The following ZDHHC15 variants were observed in gnomAD, a reference collection of about 807,000 sequenced individuals.
ZDHHC15 encodes palmitoyltransferase ZDHHC15.
ZDHHC15 carries 19 observed loss-of-function variants against 31.7 expected under a neutral mutation model. The observed-to-expected ratio is 0.60, with a 90% CI of 0.42 to 0.88. The LOEUF is 0.88. Among genes scored for constraint, ZDHHC15 ranks in the 40% least tolerant of loss-of-function variants. The pLI is 0.00. For synonymous variants in ZDHHC15, 103 were observed against 90.0 expected, an observed-to-expected ratio of 1.14 and a Z score of -0.82; for missense variants, 209 against 251.2, an observed-to-expected ratio of 0.83 and a Z score of 1.14.
intron 2 of ZDHHC15, among the ~76,000 whole-genome samples, chrX:75,500,915 T>C (rs1300156693): frequency 9.1e-6 from 1 of 110,292 alleles, no homozygotes; most frequent in Non-Finnish European, 1.9e-5. Flanking sequence ...TACCAATAAA[T>C]TAAGGTTAGT....
chrX:75,406,410 A>T (rs1405508224), intron 10 of ZDHHC15, among the ~76,000 whole-genome samples: 1 of 111,443 alleles, frequency 9.0e-6, no homozygotes, highest in South Asian at 3.7e-4. Flanking sequence ...TGAAACAAAA[A>T]GTTGGATTTT....
At chrX:75,410,512 A>C (rs2083473127) in intron 10 of ZDHHC15, among the ~76,000 whole-genome samples, 1 of 112,343 alleles carries the variant, frequency 8.9e-6, no homozygotes, top group Non-Finnish European at 1.9e-5. Flanking sequence ...GCTCAACATC[A>C]CCAATCTTCA....
chrX:75,517,566 A>C (rs1331151536), intron 1 of ZDHHC15, among the ~76,000 whole-genome samples: 2 of 77,858 alleles, frequency 2.6e-5, no homozygotes, highest in Non-Finnish European at 4.6e-5. Flanking sequence ...GGTGGGGAAC[A>C]TCACACACGG....
intron 2 of ZDHHC15, among the ~76,000 whole-genome samples, chrX:75,492,355 A>C (rs2084912335): frequency 9.0e-6 from 1 of 111,075 alleles, no homozygotes; most frequent in African/African-American, 3.3e-5. Context: ...CCCCACTGTC[A>C]ATATTAGACA....
intron 4 of ZDHHC15, among the ~76,000 whole-genome samples, chrX:75,448,379 C>T (rs374013658): frequency 8.9e-6 from 1 of 111,883 alleles, no homozygotes; most frequent in East Asian, 2.8e-4. Context: ...GACCATGTGA[C>T]CAGTTACAGA....
intron 5 of ZDHHC15, 146 bp downstream of exon 5, chrX:75,431,305 G>A (rs1436495615): frequency 1.6e-5 from 7 of 439,742 alleles, no homozygotes; most frequent in South Asian, 1.3e-4. Context: ...ATCATCATCC[G>A]TGTGAGGGGT....
chrX:75,394,613 A>G (rs757774751), intron 10 of ZDHHC15, among the ~76,000 whole-genome samples: 1 of 112,233 alleles, frequency 8.9e-6, no homozygotes, highest in Non-Finnish European at 1.9e-5. Context: ...CAAAAACTAT[A>G]AGAAGACACA....
chrX:75,474,141 AT>A (rs1260215054), intron 3 of ZDHHC15, among the ~76,000 whole-genome samples: 1 of 110,542 alleles, frequency 9.0e-6, no homozygotes, highest in Non-Finnish European at 1.9e-5. Flanking sequence ...GCCATAGGAG[AT>A]TAAGATTTGA....
At chrX:75,507,933 T>A (rs1252954535) in intron 1 of ZDHHC15, among the ~76,000 whole-genome samples, 1 of 110,822 alleles carries the variant, frequency 9.0e-6, no homozygotes, top group Non-Finnish European at 1.9e-5. Context: ...AGTATACAAG[T>A]AGAAAAAGCC....
In ZDHHC15 at chrX:75,372,652, T is replaced by C. The variant is rs2083015396; in HGVS notation, c.*326A>G. 1 of 111,710 alleles carries C rather than the reference T, an allele frequency of 9.0e-6. No individual in the cohort carries two copies. The highest frequency in any genetic ancestry group is 9.6e-5 in the Admixed American group (1 of 10,450). The allele number at this position is 111,710 out of a possible 1,213,427, so 9.2% of individuals were successfully genotyped here. A position where few individuals can be genotyped will look rare whatever the true frequency, so the allele number is the denominator to read the frequency against. Reference sequence around the variant, plus strand: ...TAAGGAAATTTTCTGAATTTCCTTTTACCTGATAAGATGAATGAAAAGATA... The same window carrying C: ...TAAGGAAATTTTCTGAATTTCCTTTCACCTGATAAGATGAATGAAAAGATA... On this transcript the variant is annotated 3_prime_UTR_variant, in exon 12 of 12. Coordinates refer to ENST00000373367, the MANE Select transcript of ZDHHC15 (RefSeq NM_144969.3).
At chrX:75,496,443 T>C (rs778164624) in intron 2 of ZDHHC15, among the ~76,000 whole-genome samples, 43 of 111,375 alleles carry the variant, frequency 3.9e-4, no homozygotes, top group South Asian at 7.5e-4. Flanking sequence ...ACTAGACTGG[T>C]CATCAAGACA....
chrX:75,519,106 A>C (rs2085409947), intron 1 of ZDHHC15, among the ~76,000 whole-genome samples: 1 of 109,408 alleles, frequency 9.1e-6, no homozygotes, highest in African/African-American at 3.3e-5. Flanking sequence ...GGATAACAAA[A>C]ACATTTTGGA....
At chrX:75,456,691 G>A (rs1011973514) in intron 3 of ZDHHC15, among the ~76,000 whole-genome samples, 13 of 110,735 alleles carry the variant, frequency 1.2e-4, no homozygotes, top group Admixed American at 6.8e-4. Context: ...CAGCAATCCC[G>A]TTACTGGGTA....
At position 75,484,623 on chromosome X, in the gene ZDHHC15, C is replaced by A. The variant is rs751185323; in HGVS notation, c.164-5638G>T. ...CTCTCATATATCAATTATAGGAAAG[C>A]AAAATGGTAGAACTGCTTTGGAAAA... On this transcript the variant is annotated intron_variant, in intron 2 of 11. Transcript: ENST00000373367. Among the ~76,000 whole-genome samples the A allele has an allele frequency of 1.2e-4, 13 of 111,780 alleles. 1 individual carries two copies. The South Asian group carries it at 4.8e-3, about 41-fold the overall frequency.
intron 2 of ZDHHC15, among the ~76,000 whole-genome samples, chrX:75,490,715 T>C (rs1479419869): frequency 9.0e-6 from 1 of 111,569 alleles, no homozygotes; most frequent in Non-Finnish European, 1.9e-5. Flanking sequence ...ACGTCCGTTG[T>C]AAGTTGGATT....
rs139336549 is a variant in ZDHHC15 at position 75,441,393 on chromosome X, C to T, written c.379+9409G>A. On this transcript the variant is annotated intron_variant, in intron 4 of 11. Transcript: ENST00000373367. Reference sequence around the variant, plus strand: ...GCTTCCTCTACTTTTATATTTCTCTCGGCTCTCCAAATTTGTTTCCGCTCT... The same window carrying T: ...GCTTCCTCTACTTTTATATTTCTCTTGGCTCTCCAAATTTGTTTCCGCTCT... Among the ~76,000 whole-genome samples the T allele has an allele frequency of 3.1e-4, 35 of 111,153 alleles. 1 individual carries two copies. The highest frequency in any genetic ancestry group is 1.0e-3 in the African/African-American group (32 of 30,639).
In ZDHHC15 at chrX:75,487,571, T is replaced by C. The variant is rs1387561914; in HGVS notation, c.164-8586A>G. On this transcript the variant is annotated intron_variant, in intron 2 of 11. Transcript: ENST00000373367. ...AAATCTTTCCACTGAAACAGTCTAC[T>C]CAAATAAGAAGGAACCAGAAAAACA... Among the ~76,000 whole-genome samples the C allele has an allele frequency of 1.8e-5, 2 of 111,801 alleles. 1 individual carries two copies. Among genetic ancestry groups the C allele is most frequent in the Middle Eastern group, 8.3e-3 (2 of 240 alleles).
intron 1 of ZDHHC15, among the ~76,000 whole-genome samples, chrX:75,507,589 T>C (rs2085187908): frequency 8.9e-6 from 1 of 111,779 alleles, no homozygotes; most frequent in African/African-American, 3.2e-5. Flanking sequence ...TTATCACTAA[T>C]CTCATGGGTA....
At chrX:75,401,218 T>G (rs775764214) in intron 10 of ZDHHC15, among the ~76,000 whole-genome samples, 1 of 104,169 alleles carries the variant, frequency 9.6e-6, no homozygotes, top group South Asian at 4.3e-4. Context: ...AAGTTTTGCC[T>G]AATACATTAA....
Sources: allele counts gnomAD v4.1 joint callset (sites outside exome capture counted in the v4.1 genomes callset), GRCh38; gene constraint gnomAD v4.1.1; transcripts MANE v1.5; gene names NCBI Gene and HGNC (gene_info 2026-07-23, HGNC 2026-07-21).